DNAAF9: variants seen among roughly 807,000 people sequenced by gnomAD.
DNAAF9 encodes shulin.
In DNAAF9, 90 loss-of-function variants were observed where a neutral mutation model predicts 167.0. That is an observed-to-expected ratio of 0.54 (90% CI 0.45 to 0.64). The LOEUF is 0.64. DNAAF9 is among the 30% of genes least tolerant of loss of function. The pLI, the probability that DNAAF9 is intolerant of heterozygous loss-of-function variation, is 0.00. For synonymous variants in DNAAF9, 491 were observed against 508.8 expected (o/e 0.96, Z 0.47); for missense variants, 1,315 against 1,442.2 (o/e 0.91, Z 1.43).
At chr20:3,395,047 A>G (rs2083885824) in intron 1 of DNAAF9, among the ~76,000 whole-genome samples, 1 of 132,082 alleles carries the variant, frequency 7.6e-6, no homozygotes, top group Non-Finnish European at 1.6e-5. Context: ...GACTCACTGC[A>G]AGCTCCGCCT....
intron 1 of DNAAF9, among the ~76,000 whole-genome samples, chr20:3,386,099 C>A (rs1423157727): frequency 6.6e-6 from 1 of 152,028 alleles, no homozygotes. Context: ...CCAGCCTGGG[C>A]AATATAGTGA....
intron 30 of DNAAF9, among the ~76,000 whole-genome samples, chr20:3,268,941 C>T (rs1223692472): frequency 8.5e-6 from 1 of 118,070 alleles, no homozygotes; most frequent in Non-Finnish European, 1.7e-5. Flanking sequence ...GCTCTGTTGC[C>T]CAGGCTGGCT....
intron 10 of DNAAF9, among the ~76,000 whole-genome samples, chr20:3,332,984 A>G (rs996492713): frequency 6.6e-6 from 1 of 151,512 alleles, no homozygotes; most frequent in Non-Finnish European, 1.5e-5. Flanking sequence ...ATACTCAGTT[A>G]GCCCAGGGAT....
intron 7 of DNAAF9, among the ~76,000 whole-genome samples, chr20:3,359,256 C>T (rs1257097457): frequency 6.6e-6 from 1 of 152,166 alleles, no homozygotes; most frequent in Non-Finnish European, 1.5e-5. Flanking sequence ...TAGATAAAAA[C>T]CTAAACCTAA....
intron 14 of DNAAF9, among the ~76,000 whole-genome samples, chr20:3,323,274 C>CTTT (rs71195835): frequency 6.2e-4 from 43 of 69,106 alleles, no homozygotes; most frequent in African/African-American, 1.4e-3. Flanking sequence ...GTGAAGTAAT[C>CTTT]TTTTTTTTTT....
intron 6 of DNAAF9, among the ~76,000 whole-genome samples, chr20:3,360,631 C>T (rs1252016005): frequency 2.0e-5 from 3 of 152,096 alleles, no homozygotes; most frequent in African/African-American, 7.2e-5. Flanking sequence ...CTGTGCACAC[C>T]GGGTTCTTTC....
At chr20:3,311,878 G>A (rs1266877174) in intron 20 of DNAAF9, among the ~76,000 whole-genome samples, 1 of 152,224 alleles carries the variant, frequency 6.6e-6, no homozygotes, top group Non-Finnish European at 1.5e-5. Context: ...TGAATGGGAA[G>A]TTGAAAAGCA....
chr20:3,340,433 T>TCCGGGGGGGGGCCCCCCCCCCCCCCC, intron 10 of DNAAF9, 71 bp downstream of exon 10: 1 of 221,214 alleles, frequency 4.5e-6, no homozygotes, highest in Non-Finnish European at 9.5e-6. Context: ...TTTGTCTAGC[T>TCCGGGGGGGGGCCCCCCCCCCCCCCC]CCCCCCACCC....
rs1206995576 is a variant in DNAAF9 at position 3,249,997 on chromosome 20, A to G, written c.*2575T>C. On this transcript the variant is annotated 3_prime_UTR_variant, in exon 37 of 37. Transcript: ENST00000252032. The stretch of plus-strand genomic sequence containing the variant: ...TCAAAAACAGAAAAATCCCATGTAA[A>G]AACATAAAATAACCCGTAACTTCAG... 4 of 152,186 alleles carry G rather than the reference A, an allele frequency of 2.6e-5. No homozygotes were observed. Among genetic ancestry groups the G allele is most frequent in the Admixed American group, 2.6e-4 (4 of 15,272 alleles). 9.4% of individuals were successfully genotyped at this position (152,186 alleles called of 1,614,324 possible). A position where few individuals can be genotyped will look rare whatever the true frequency, so the allele number is the denominator to read the frequency against.
chr20:3,322,371 G>T, intron 15 of DNAAF9, 109 bp from the exon 16 acceptor site: 1 of 868,862 alleles, frequency 1.2e-6, no homozygotes, highest in Non-Finnish European at 1.9e-6. Flanking sequence ...GATTCGGATT[G>T]CTCTTAGGGC....
In DNAAF9 at chr20:3,332,331, G is replaced by A. The variant is rs764130252; in HGVS notation, c.1012C>T (p.Leu338Phe). 5 of 1,609,102 alleles carry A rather than the reference G, an allele frequency of 3.1e-6. No individual in the cohort carries two copies. The Admixed American group carries it at 5.0e-5, about 16-fold the overall frequency. The change falls in exon 11 of 37, where the codon CTT (leucine) becomes TTT (phenylalanine). Residue 338 changes from leucine (L) to phenylalanine (F), a missense_variant. Around this residue, in one of 2 missense-constraint regions of DNAAF9, gnomAD observed 981 missense variants for 1,012.5 expected, o/e 0.97. Coordinates refer to ENST00000252032, the MANE Select transcript of DNAAF9 (RefSeq NM_001009984.3). ...VAQCVSPKGPLACSRTYFFGA... is the reference protein window; with the variant it reads ...VAQCVSPKGPFACSRTYFFGA... ...AAAAAGTATGTTCTCGAACAAGCAA[G>A]AGGTCCCTTTGGTGAGACACACTGG...
chr20:3,340,608 T>C lies in DNAAF9; in HGVS notation c.877A>G (p.Asn293Asp). 1.9e-6 allele frequency: 3 copies of C among 1,613,868 alleles called. No homozygotes were observed. Among genetic ancestry groups the C allele is most frequent in the Non-Finnish European group, 2.5e-6 (3 of 1,179,834 alleles). Residue 293 changes from asparagine to aspartate, a missense_variant, in exon 10 of 37, where the codon AAT (asparagine) becomes GAT (aspartate). Coordinates refer to ENST00000252032, the MANE Select transcript of DNAAF9 (RefSeq NM_001009984.3). Reference sequence around the variant, plus strand: ...TTCAGGTTTTCTCGTGTGGAGTGATTACCAAAGAGAACAAATGGCTGCCGG... The same window carrying C: ...TTCAGGTTTTCTCGTGTGGAGTGATCACCAAAGAGAACAAATGGCTGCCGG... ...PNRQPFVLFG[N>D]HSTRENLNAG...
chr20:3,374,650 G>A (rs1429001144), intron 5 of DNAAF9, among the ~76,000 whole-genome samples: 1 of 152,112 alleles, frequency 6.6e-6, no homozygotes, highest in Non-Finnish European at 1.5e-5. Flanking sequence ...GTTTTTCCCT[G>A]TATTTTACAC....
In DNAAF9 at chr20:3,278,487, G is replaced by A. The variant is rs539751050; in HGVS notation, c.2650+425C>T. Among the ~76,000 whole-genome samples the A allele has an allele frequency of 7.2e-5, 11 of 152,288 alleles. No homozygotes were observed. In the East Asian group the frequency reaches 2.1e-3, roughly 29 times the overall value. On this transcript the variant is annotated intron_variant, in intron 29 of 36. Transcript: ENST00000252032. ...TGTAATCCCAGCACTTTGGGAGGCCGAGGTGGGCGGACTACGAGGTCAGGA... is the reference window on the plus strand; with the variant it reads ...TGTAATCCCAGCACTTTGGGAGGCCAAGGTGGGCGGACTACGAGGTCAGGA...
intron 22 of DNAAF9, 128 bp from the exon 23 acceptor site, chr20:3,297,077 G>A: frequency 1.6e-6 from 1 of 641,744 alleles, no homozygotes; most frequent in Non-Finnish European, 2.8e-6. Context: ...TAACAAACAA[G>A]TTTGCTTCAA....
intron 31 of DNAAF9, among the ~76,000 whole-genome samples, chr20:3,260,596 C>T (rs536742945): frequency 1.2e-4 from 17 of 140,960 alleles, no homozygotes; most frequent in African/African-American, 3.3e-4. Context: ...CTTCCTGGTA[C>T]GGTGGGGGGC....
At chr20:3,310,349 G>GAAAGAAAT (rs2069387479) in intron 20 of DNAAF9, among the ~76,000 whole-genome samples, 1 of 146,970 alleles carries the variant, frequency 6.8e-6, no homozygotes, top group Non-Finnish European at 1.5e-5. Flanking sequence ...AAGAAAGAAA[G>GAAAGAAAT]AAAGAAAGAA....
intron 10 of DNAAF9, among the ~76,000 whole-genome samples, chr20:3,337,440 G>GGTTT (rs72138571): frequency 3.0e-5 from 4 of 134,402 alleles, no homozygotes; most frequent in Non-Finnish European, 4.7e-5. Context: ...CTTTTTTTTT[G>GGTTT]TTTTTTTTTT....
intron 34 of DNAAF9, 76 bp downstream of exon 34, chr20:3,255,930 G>A: frequency 9.0e-7 from 1 of 1,108,974 alleles, no homozygotes; most frequent in Non-Finnish European, 1.3e-6. Context: ...GCAGTGGCGG[G>A]GCTTCTCAGG....
Sources: allele counts gnomAD v4.1 joint callset (sites outside exome capture counted in the v4.1 genomes callset), GRCh38; gene constraint gnomAD v4.1.1; regional missense constraint gnomAD v4.1.1; transcripts MANE v1.5; gene names NCBI Gene and HGNC (gene_info 2026-07-23, HGNC 2026-07-21).